Variants in IKBKB observed in about 807,000 individuals in gnomAD.
IKBKB encodes inhibitor of nuclear factor kappa-B kinase subunit beta.
In IKBKB, 42 loss-of-function variants were observed where a neutral mutation model predicts 113.6. The observed-to-expected ratio is 0.37, with a 90% confidence interval of 0.29 to 0.48. IKBKB has a LOEUF of 0.48. IKBKB is among the 20% of genes least tolerant of loss of function. IKBKB has a pLI of 0.99. For missense variants in IKBKB, 673 were observed against 939.7 expected, an observed-to-expected ratio of 0.72 and a Z score of 3.71; for synonymous variants, 296 against 361.3, an observed-to-expected ratio of 0.82 and a Z score of 2.05.
At chr8:42,276,744 G>T (rs1208250897) in intron 2 of IKBKB, among the ~76,000 whole-genome samples, 3 of 150,200 alleles carry the variant, frequency 2.0e-5, no homozygotes, top group African/African-American at 7.4e-5. Flanking sequence ...CTCACTCTCA[G>T]CTGAGACAGG....
At chr8:42,293,636 G>T in intron 5 of IKBKB, 124 bp downstream of exon 5, 2 of 1,542,526 alleles carry the variant, frequency 1.3e-6, no homozygotes, top group Non-Finnish European at 8.8e-7. Context: ...GGGAATGGGA[G>T]CCCAGGGACG....
At chr8:42,297,477 T>G (rs767011692) in intron 5 of IKBKB, among the ~76,000 whole-genome samples, 10 of 152,176 alleles carry the variant, frequency 6.6e-5, no homozygotes, top group Non-Finnish European at 1.3e-4. Flanking sequence ...TGGCCCCTAC[T>G]CTCTTCTGTG....
intron 2 of IKBKB, among the ~76,000 whole-genome samples, chr8:42,281,308 G>A (rs1276146785): frequency 2.0e-5 from 3 of 152,200 alleles, no homozygotes; most frequent in South Asian, 2.1e-4. Context: ...GGCTGCGGTC[G>A]TTTATTCCCG....
chr8:42,325,745 TA>T, intron 19 of IKBKB: 1 of 1,343,268 alleles, frequency 7.4e-7, no homozygotes. Context: ...CAGGTCTCCT[TA>T]AATTTAGAAT....
Position 42,316,785 on chromosome 8 carries a change from T to C in IKBKB, c.1006T>C (p.Leu336=), listed in dbSNP as rs199920885. The C allele has an allele frequency of 6.2e-7, 1 of 1,614,118 alleles. No individual in the cohort carries two copies. The highest frequency in any genetic ancestry group is 8.5e-7 in the Non-Finnish European group (1 of 1,180,026). The change falls in exon 11 of 22, where the codon TTG becomes CTG. Residue 336 remains leucine (L), a synonymous_variant. Transcript: ENST00000520810. The surrounding 1 kb of genome is among the most constrained non-coding windows in gnomAD (Gnocchi z 4.5). ...GACAGAGGATGAGAGTCTGCAGAGCTTGAAGGCCAGAATCCAACAGGACAC... is the reference window on the plus strand; with the variant it reads ...GACAGAGGATGAGAGTCTGCAGAGCCTGAAGGCCAGAATCCAACAGGACAC... ...PVTEDESLQS[L]KARIQQDTGI...
chr8:42,271,438 G>A lies in IKBKB; in HGVS notation c.-50G>A. On this transcript the variant is annotated 5_prime_UTR_variant, in exon 1 of 22. Coordinates refer to ENST00000520810, the MANE Select transcript of IKBKB (RefSeq NM_001556.3). The stretch of plus-strand genomic sequence containing the variant: ...AGCCCCGCCTTCCCCGCCCCGGGGA[G>A]CCCGCCCCCTGCCCCGCGTCCCTGC... The A allele has an allele frequency of 7.1e-7, 1 of 1,408,958 alleles. No individual in the cohort carries two copies. Among genetic ancestry groups the A allele is most frequent in the Non-Finnish European group, 9.7e-7 (1 of 1,036,038 alleles). The allele number at this position is 1,408,958 out of a possible 1,614,324, so 87.3% of individuals were successfully genotyped here. A position where few individuals can be genotyped will look rare whatever the true frequency, so the allele number is the denominator to read the frequency against.
chr8:42,331,646 C>A lies in IKBKB; in HGVS notation c.*667C>A. 1 of 543,280 alleles carries A rather than the reference C, an allele frequency of 1.8e-6. No homozygotes were observed. Among genetic ancestry groups the A allele is most frequent in the Non-Finnish European group, 3.3e-6 (1 of 302,422 alleles). 33.7% of individuals were successfully genotyped at this position (543,280 alleles called of 1,614,324 possible). A position where few individuals can be genotyped will look rare whatever the true frequency, so the allele number is the denominator to read the frequency against. On this transcript the variant is annotated 3_prime_UTR_variant, in exon 22 of 22. Transcript: ENST00000520810. ...TGTCCTCTTTTCGGCAAAGTTGGAGCGAGTGCCAAGCTCTCCATCTGTGGT... is the reference window on the plus strand; with the variant it reads ...TGTCCTCTTTTCGGCAAAGTTGGAGAGAGTGCCAAGCTCTCCATCTGTGGT...
At chr8:42,308,077 C>A (rs1277960279) in intron 7 of IKBKB, among the ~76,000 whole-genome samples, 1 of 152,234 alleles carries the variant, frequency 6.6e-6, no homozygotes, top group Non-Finnish European at 1.5e-5. Context: ...TTCTAAATAT[C>A]CTGGCCCTTT....
chr8:42,276,830 G>A (rs996525665), intron 2 of IKBKB, among the ~76,000 whole-genome samples: 11 of 150,056 alleles, frequency 7.3e-5, no homozygotes, highest in Non-Finnish European at 1.6e-4. Flanking sequence ...GAGTAGCTGG[G>A]ATTACAGGCA....
intron 2 of IKBKB, among the ~76,000 whole-genome samples, chr8:42,275,207 G>T (rs533108693): frequency 1.3e-5 from 2 of 150,812 alleles, no homozygotes; most frequent in East Asian, 3.9e-4. Flanking sequence ...AATTTCTTTG[G>T]AGATAGGGTC....
chr8:42,322,564 C>A, intron 19 of IKBKB, 70 bp downstream of exon 19: 2 of 1,529,482 alleles, frequency 1.3e-6, no homozygotes, highest in Non-Finnish European at 1.8e-6. Flanking sequence ...CTGTGCACTG[C>A]CGCCATCCCA....
At chr8:42,297,014 GC>G (rs1299102952) in intron 5 of IKBKB, among the ~76,000 whole-genome samples, 2 of 152,294 alleles carry the variant, frequency 1.3e-5, no homozygotes, top group African/African-American at 4.8e-5. Context: ...AACCTTCAGT[GC>G]CTTCTTTAGG....
chr8:42,307,895 C>A (rs1816859453), intron 7 of IKBKB, among the ~76,000 whole-genome samples: 1 of 152,196 alleles, frequency 6.6e-6, no homozygotes, highest in Non-Finnish European at 1.5e-5. Context: ...CATTTCCAAC[C>A]AGACCATGCA....
intron 7 of IKBKB, 83 bp downstream of exon 7, chr8:42,306,515 G>T (rs1816554503): frequency 1.1e-6 from 1 of 885,258 alleles, no homozygotes; most frequent in Non-Finnish European, 1.9e-6. Context: ...CTTGCTCCCA[G>T]CACCTGAGTC....
At chr8:42,309,076 T>A (rs745967992) in intron 8 of IKBKB, 51 bp downstream of exon 8, 67 of 1,575,534 alleles carry the variant, frequency 4.3e-5, no homozygotes, top group Non-Finnish European at 5.5e-5. Flanking sequence ...TCTGTTCCTT[T>A]CTCTTCACGT....
At chr8:42,285,640 A>T (rs1162954141) in intron 2 of IKBKB, among the ~76,000 whole-genome samples, 2 of 152,192 alleles carry the variant, frequency 1.3e-5, no homozygotes, top group Non-Finnish European at 2.9e-5. Flanking sequence ...TAGGCCAAAG[A>T]TCAGGGTTCT....
intron 20 of IKBKB, among the ~76,000 whole-genome samples, chr8:42,327,369 T>C (rs1352453968): frequency 1.4e-5 from 2 of 143,430 alleles, no homozygotes; most frequent in Non-Finnish European, 3.0e-5. Flanking sequence ...ACTCTTGCTC[T>C]GTTGCCCAGG....
intron 21 of IKBKB, 189 bp from the exon 22 acceptor site, chr8:42,330,725 G>A (rs1394731065): frequency 2.8e-6 from 2 of 717,466 alleles, no homozygotes; most frequent in Admixed American, 6.3e-5. Flanking sequence ...GGCCAGGCTG[G>A]TCTCGAACTC....
intron 2 of IKBKB, among the ~76,000 whole-genome samples, chr8:42,272,939 CAAAAAAAAA>C (rs71221204): frequency 3.1e-4 from 16 of 51,582 alleles, no homozygotes. Context: ...GACTCCGTCT[CAAAAAAAAA>C]AAAAAAAAAA....
Sources: gnomAD v4.1 joint callset for allele counts (sites outside exome capture counted in the v4.1 genomes callset) on GRCh38, gnomAD v4.1.1 for gene constraint, Gnocchi (gnomAD v3.1) non-coding constraint, MANE v1.5 for transcripts, NCBI Gene and HGNC (gene_info 2026-07-23, HGNC 2026-07-21) for gene names.